The following PCDHA7 variants were observed in gnomAD, a reference collection of about 807,000 sequenced individuals.
The protein encoded by PCDHA7 is protocadherin alpha 7.
Under a neutral mutation model 57.2 loss-of-function variants are expected in PCDHA7, and 37 were observed. The ratio of observed to expected loss-of-function variants is 0.65; its 90% CI spans 0.50 to 0.85. PCDHA7 has a LOEUF of 0.85. PCDHA7 is among the 40% of genes least tolerant of loss of function. The pLI, the probability that PCDHA7 is intolerant of heterozygous loss-of-function variation, is 0.00. For synonymous variants in PCDHA7, 553 were observed against 558.8 expected, an observed-to-expected ratio of 0.99 and a Z score of 0.15; for missense variants, 1,188 against 1,241.8, an observed-to-expected ratio of 0.96 and a Z score of 0.65.
chr5:140,990,379 G>C (rs1554251452), intron 3 of PCDHA7, among the ~76,000 whole-genome samples: 3 of 152,092 alleles, frequency 2.0e-5, no homozygotes. Context: ...CAAATTTGTT[G>C]GTGATGTTCC....
intron 1 of PCDHA7, chr5:140,969,555 C>A: frequency 1.6e-6 from 2 of 1,213,380 alleles, no homozygotes; most frequent in Non-Finnish European, 2.2e-6. Flanking sequence ...GAAGCCTTGT[C>A]CATAAAATTG....
At position 140,842,676 on chromosome 5, in the gene PCDHA7, C is replaced by G. The variant is rs1554139267; in HGVS notation, c.2355+5938C>G. The G allele has an allele frequency of 1.9e-6, 3 of 1,595,430 alleles. 1 individual carries two copies. The African/African-American group carries it at 4.0e-5, about 21-fold the overall frequency. ...GAGGTGGCCGACGTGAACGACAATG[C>G]TCCGGCGTTCGCGCAGCCCGAGTAC... On this transcript the variant is annotated intron_variant, in intron 1 of 3. Transcript: ENST00000525929.
chr5:140,857,187 C>A (rs202051639), intron 1 of PCDHA7: 1 of 1,598,516 alleles, frequency 6.3e-7, no homozygotes, highest in East Asian at 2.2e-5. Context: ...GATTCAGGAG[C>A]CAACGGACAG....
chr5:140,941,202 C>CTTTCTTTCTTT (rs1554213921), intron 1 of PCDHA7, among the ~76,000 whole-genome samples: 2,980 of 122,772 alleles, frequency 0.024, 108 homozygotes, highest in East Asian at 0.062. Context: ...TTTCTTTCTT[C>CTTTCTTTCTTT]CTTTCTTTCT....
Position 140,847,724 on chromosome 5 carries a change from A to G in PCDHA7, c.2355+10986A>G, listed in dbSNP as rs2150403013. 2.0e-5 allele frequency: 3 copies of G among 150,110 alleles called. No individual in the cohort carries two copies. The South Asian group carries it at 6.3e-4, about 32-fold the overall frequency. 9.3% of individuals were successfully genotyped at this position (150,110 alleles called of 1,614,324 possible). ...ACAGATTGTATAAATGCTACAAAAGAGAAAAATATATTTTCTCCCCACGCA... is the reference window on the plus strand; with the variant it reads ...ACAGATTGTATAAATGCTACAAAAGGGAAAAATATATTTTCTCCCCACGCA... On this transcript the variant is annotated intron_variant, in intron 1 of 3. Transcript: ENST00000525929.
intron 1 of PCDHA7, chr5:140,869,752 G>C (rs1398153775): frequency 1.4e-5 from 22 of 1,613,136 alleles, no homozygotes; most frequent in Middle Eastern, 1.6e-4. Context: ...AGCTACAGAC[G>C]GGGGAAAACC....
chr5:140,875,808 G>A (rs1554167962), intron 1 of PCDHA7: 1 of 1,614,226 alleles, frequency 6.2e-7, no homozygotes, highest in South Asian at 1.1e-5. Flanking sequence ...TCGTGGACAG[G>A]CCGCTGCAGG....
intron 1 of PCDHA7, chr5:140,967,346 G>C (rs1332345482): frequency 6.2e-7 from 1 of 1,607,970 alleles, no homozygotes; most frequent in Non-Finnish European, 8.5e-7. Context: ...CGAGCACTTC[G>C]AGCTGGACCT....
intron 1 of PCDHA7, chr5:140,868,478 AT>A (rs1444050987): frequency 1.3e-5 from 2 of 152,364 alleles, no homozygotes; most frequent in Non-Finnish European, 2.9e-5. Flanking sequence ...TAAAACTTCA[AT>A]TTTTTCTTTG....
At position 140,848,955 on chromosome 5, in the gene PCDHA7, C is replaced by T. The variant is rs2150426444; in HGVS notation, c.2355+12217C>T. On this transcript the variant is annotated intron_variant, in intron 1 of 3. Coordinates refer to ENST00000525929, the MANE Select transcript of PCDHA7 (RefSeq NM_018910.3). ...CAGGCCGCTTGACTCTCGGTTTCCA[C>T]TAGAGGGCGCGTCCGATGCAGATAT... 9.1e-5 allele frequency: 146 copies of T among 1,606,852 alleles called. 6 individuals are homozygous for T. Among genetic ancestry groups the T allele is most frequent in the Middle Eastern group, 1.7e-4 (1 of 6,060 alleles).
rs1228559116 is a variant in PCDHA7, at chr5:140,927,616, G to A, written c.2356-51333G>A. On this transcript the variant is annotated intron_variant, in intron 1 of 3. Coordinates refer to ENST00000525929, the MANE Select transcript of PCDHA7 (RefSeq NM_018910.3). ...TGAGCGCTCCGTATACCGCACCAAG[G>A]TTCCAGAGACTGCACCCAATGGGAC... 1.1e-5 allele frequency: 18 copies of A among 1,614,046 alleles called. No individual in the cohort carries two copies. Among genetic ancestry groups the A allele is most frequent in the Non-Finnish European group, 1.5e-5 (18 of 1,180,038 alleles).
chr5:140,861,489 T>A, intron 1 of PCDHA7: 1 of 487,812 alleles, frequency 2.0e-6, no homozygotes, highest in South Asian at 1.6e-5. Context: ...TTTTGTGAGT[T>A]CTCTGATAGA....
intron 1 of PCDHA7, among the ~76,000 whole-genome samples, chr5:140,902,203 C>CTTTT (rs148688132): frequency 2.0e-4 from 25 of 124,426 alleles, no homozygotes; most frequent in African/African-American, 2.5e-4. Flanking sequence ...CTCTCTCTTT[C>CTTTT]TTTTTTTTTT....
intron 1 of PCDHA7, among the ~76,000 whole-genome samples, chr5:140,955,285 G>T (rs2095164466): frequency 6.6e-6 from 1 of 151,896 alleles, no homozygotes; most frequent in Non-Finnish European, 1.5e-5. Context: ...ATATTGATAT[G>T]GTTTGGCTGT....
chr5:140,891,933 C>T (rs1554185011), intron 1 of PCDHA7, among the ~76,000 whole-genome samples: 1 of 152,220 alleles, frequency 6.6e-6, no homozygotes, highest in African/African-American at 2.4e-5. Flanking sequence ...TGATCTTGGA[C>T]TTCCCCTAGG....
At position 140,870,413 on chromosome 5, in the gene PCDHA7, C is replaced by G. The variant is rs200037363; in HGVS notation, c.2355+33675C>G. ...GGGGGTTCGCCTTCTCTGTGGGCCA[C>G]GGCCAGGGTATCCGTGGAGGTGGCC... On this transcript the variant is annotated intron_variant, in intron 1 of 3. Transcript: ENST00000525929. The G allele has an allele frequency of 7.6e-5, 123 of 1,614,124 alleles. No individual in the cohort carries two copies. In the African/African-American group the frequency reaches 1.6e-3, roughly 21 times the overall value.
intron 2 of PCDHA7, among the ~76,000 whole-genome samples, chr5:140,980,472 A>G (rs782408123): frequency 6.6e-6 from 1 of 152,210 alleles, no homozygotes; most frequent in Non-Finnish European, 1.5e-5. Context: ...TCTACTAAAA[A>G]TACAAAAATT....
At chr5:140,913,144 A>T (rs1473490766) in intron 1 of PCDHA7, among the ~76,000 whole-genome samples, 4 of 152,180 alleles carry the variant, frequency 2.6e-5, no homozygotes, top group Non-Finnish European at 5.9e-5. Context: ...TTTTTGGAAT[A>T]GTTTGAGTAG....
chr5:140,906,382 G>A (rs1384682039), intron 1 of PCDHA7, among the ~76,000 whole-genome samples: 2 of 152,072 alleles, frequency 1.3e-5, no homozygotes, highest in Non-Finnish European at 2.9e-5. Context: ...ATTACATAAA[G>A]TTAACATTTA....
Sources: allele counts gnomAD v4.1 joint callset (sites outside exome capture counted in the v4.1 genomes callset), GRCh38; gene constraint gnomAD v4.1.1; transcripts MANE v1.5; gene names NCBI Gene and HGNC (gene_info 2026-07-23, HGNC 2026-07-21).